Variants in RGPD2 observed in about 807,000 individuals in gnomAD.
The protein encoded by RGPD2 is RANBP2 like and GRIP domain containing 2, also known as RANBP2-like and GRIP domain-containing protein 2.
A neutral mutation model predicts 36.0 loss-of-function variants in RGPD2; 2 were observed. That is an observed-to-expected ratio of 0.06 (90% CI 0.02 to 0.17). RGPD2 has a LOEUF of 0.17. Ranked by LOEUF, RGPD2 falls within the 10% of genes least tolerant of loss-of-function variation. RGPD2 has a pLI of 1.00. For synonymous variants in RGPD2, 19 were observed against 163.8 expected (o/e 0.12, Z 6.75); for missense variants, 40 against 464.3 (o/e 0.09, Z 8.40).
chr2:87,858,110 A>G, the RGPD2 span, among the ~76,000 whole-genome samples: 2 of 152,280 alleles, frequency 1.3e-5, no homozygotes, highest in African/African-American at 2.4e-5. Context: ...GACATAATCT[A>G]TGATTGAGTC....
At chr2:87,936,360 G>C in the RGPD2 span, among the ~76,000 whole-genome samples, 1 of 148,548 alleles carries the variant, frequency 6.7e-6, no homozygotes, top group African/African-American at 2.5e-5. Flanking sequence ...GGTAATCATG[G>C]TATTGTTTCT....
the RGPD2 span, among the ~76,000 whole-genome samples, chr2:87,915,049 T>G: frequency 1.3e-5 from 2 of 151,748 alleles, no homozygotes; most frequent in African/African-American, 4.9e-5. Context: ...CAGGAGGCTG[T>G]GGCAGGAGAA....
the RGPD2 span, among the ~76,000 whole-genome samples, chr2:87,930,436 T>A: frequency 3.3e-5 from 5 of 152,170 alleles, no homozygotes; most frequent in Admixed American, 2.0e-4. Context: ...TCGTGGTGGA[T>A]AAGCTTTTCT....
At chr2:87,919,455 C>T in the RGPD2 span, among the ~76,000 whole-genome samples, 5 of 152,074 alleles carry the variant, frequency 3.3e-5, no homozygotes, top group South Asian at 2.1e-4. Flanking sequence ...GCTGCTCTTG[C>T]GAGTAAATCA....
the RGPD2 span, among the ~76,000 whole-genome samples, chr2:87,986,885 A>AG: frequency 1.3e-5 from 2 of 151,126 alleles, no homozygotes; most frequent in Non-Finnish European, 3.0e-5. Flanking sequence ...TCTCAAAAAA[A>AG]AAAAAATCAC....
At chr2:87,883,395 TA>T in the RGPD2 span, among the ~76,000 whole-genome samples, 51 of 146,368 alleles carry the variant, frequency 3.5e-4, no homozygotes, top group African/African-American at 3.1e-4. Flanking sequence ...TAGACAGAAA[TA>T]AAAAAAAAGG....
At chr2:87,897,561 A>G in the RGPD2 span, among the ~76,000 whole-genome samples, 1 of 151,968 alleles carries the variant, frequency 6.6e-6, no homozygotes, top group African/African-American at 2.4e-5. Context: ...TGCTGCACCT[A>G]TCAACCCATC....
In RGPD2 at chr2:87,809,470, C is replaced by G. The variant is rs868176481; in HGVS notation, c.779+2015G>C. Among the ~76,000 whole-genome samples, 134 of 141,462 alleles carry G rather than the reference C, an allele frequency of 9.5e-4. No individual in the cohort carries two copies. The Middle Eastern group carries it at 0.011, about 12-fold the overall frequency. 92.8% of individuals were successfully genotyped at this position (141,462 alleles called of 152,430 possible). ...GATCACGAGGTCAGGAGATCGAGAC[C>G]ATCCTGGCTAACAGGGTGACACTCC... On this transcript the variant is annotated intron_variant, in intron 6 of 22. Coordinates refer to ENST00000398146, the MANE Select transcript of RGPD2 (RefSeq NM_001078170.3).
the RGPD2 span, chr2:87,986,048 C>G: frequency 1.1e-5 from 7 of 632,312 alleles, no homozygotes; most frequent in African/African-American, 1.1e-4. Context: ...ATTAAAGAGC[C>G]AATGAGATGC....
chr2:87,878,805 G>A, the RGPD2 span, among the ~76,000 whole-genome samples: 1 of 152,230 alleles, frequency 6.6e-6, no homozygotes, highest in East Asian at 1.9e-4. Flanking sequence ...GACTTTTTTA[G>A]ATTTCATATA....
chr2:87,894,827 CTT>C, the RGPD2 span, among the ~76,000 whole-genome samples: 1 of 132,248 alleles, frequency 7.6e-6, no homozygotes, highest in Admixed American at 8.1e-5. Context: ...TACTAAATGA[CTT>C]TGTTGGTGAA....
chr2:87,847,653 C>T, the RGPD2 span, among the ~76,000 whole-genome samples: 11 of 151,752 alleles, frequency 7.2e-5, no homozygotes, highest in African/African-American at 2.7e-4. Flanking sequence ...TGCATGCCAT[C>T]ACGCCCAGCT....
the RGPD2 span, among the ~76,000 whole-genome samples, chr2:87,912,152 A>G: frequency 6.8e-6 from 1 of 146,464 alleles, no homozygotes; most frequent in Non-Finnish European, 1.5e-5. Flanking sequence ...GCACTGTTTT[A>G]TAACTTTTAC....
chr2:87,952,575 AT>A, the RGPD2 span, among the ~76,000 whole-genome samples: 1 of 152,222 alleles, frequency 6.6e-6, no homozygotes, highest in Non-Finnish European at 1.5e-5. Flanking sequence ...TCAACTAAGT[AT>A]TGGTCACAAT....
the RGPD2 span, among the ~76,000 whole-genome samples, chr2:87,846,731 T>A: frequency 6.6e-6 from 1 of 151,030 alleles, no homozygotes; most frequent in African/African-American, 2.4e-5. Context: ...TAGCATTTTT[T>A]AAATGGTAAA....
intron 1 of RGPD2, 99 bp downstream of exon 1, chr2:87,825,559 T>TCGAGGC (rs1686749589): frequency 2.3e-6 from 2 of 886,382 alleles, no homozygotes; most frequent in African/African-American, 3.2e-5. Context: ...CCCGGCCAGG[T>TCGAGGC]CGAGGCCGCC....
the RGPD2 span, among the ~76,000 whole-genome samples, chr2:87,957,370 C>T: frequency 3.4e-5 from 5 of 148,702 alleles, no homozygotes; most frequent in African/African-American, 7.7e-5. Flanking sequence ...GAAAGAGAAC[C>T]TTTCCAGAAA....
At chr2:87,829,912 G>A (rs1476060428), upstream of RGPD2, among the ~76,000 whole-genome samples, 1 of 137,606 alleles carries the variant, frequency 7.3e-6, no homozygotes, top group Non-Finnish European at 1.6e-5. Context: ...ACTGCTTTCA[G>A]CATTAACTCA....
At chr2:87,974,967 C>A in the RGPD2 span, among the ~76,000 whole-genome samples, 7 of 152,078 alleles carry the variant, frequency 4.6e-5, no homozygotes, top group Non-Finnish European at 1.5e-5. Flanking sequence ...CCCATTAGCT[C>A]CCAGGTCACT....
Sources: gnomAD v4.1 joint callset for allele counts (sites outside exome capture counted in the v4.1 genomes callset) on GRCh38, gnomAD v4.1.1 for gene constraint, MANE v1.5 for transcripts, NCBI Gene and HGNC (gene_info 2026-07-23, HGNC 2026-07-21) for gene names.